INSC: variants seen among roughly 807,000 people sequenced by gnomAD.
INSC encodes the protein INSC spindle orientation adaptor protein, also known as protein inscuteable homolog.
In INSC, 67 loss-of-function variants were observed where a neutral mutation model predicts 58.6. That is an observed-to-expected ratio of 1.14 (90% CI 0.94 to 1.40). The LOEUF is 1.40. Among genes scored for constraint, INSC ranks in the 40% most tolerant of loss-of-function variants. INSC has a pLI of 0.00. For missense variants in INSC, 714 were observed against 692.0 expected (o/e 1.03, Z -0.36); for synonymous variants, 262 against 276.1 (o/e 0.95, Z 0.51).
intron 1 of INSC, among the ~76,000 whole-genome samples, chr11:15,117,931 C>T (rs1235952828): frequency 1.3e-5 from 2 of 152,144 alleles, no homozygotes; most frequent in Non-Finnish European, 2.9e-5. Flanking sequence ...CCCCCTGCTC[C>T]GAGTGTTTCA....
chr11:15,224,060 GTTAC>G (rs1446144697), intron 8 of INSC, among the ~76,000 whole-genome samples: 1 of 152,152 alleles, frequency 6.6e-6, no homozygotes, highest in African/African-American at 2.4e-5. Flanking sequence ...GCCTCAAACA[GTTAC>G]TTACTGGCCA....
At chr11:15,159,989 A>G (rs56391143) in intron 2 of INSC, among the ~76,000 whole-genome samples, 2,880 of 152,320 alleles carry the variant, frequency 0.019, 103 homozygotes, top group African/African-American at 0.066. Flanking sequence ...CCATACATAT[A>G]CACCAGCTGC....
chr11:15,140,221 C>T (rs1338662861), intron 1 of INSC, among the ~76,000 whole-genome samples: 2 of 152,206 alleles, frequency 1.3e-5, no homozygotes, highest in Non-Finnish European at 1.5e-5. Context: ...CCTCTGGGGA[C>T]TCATGGGCAC....
chr11:15,189,656 A>G (rs1359470015), intron 5 of INSC, among the ~76,000 whole-genome samples: 1 of 152,226 alleles, frequency 6.6e-6, no homozygotes, highest in East Asian at 1.9e-4. Context: ...TTTCACTTTA[A>G]TGTTTTAAAA....
At chr11:15,217,421 G>A (rs1194410622) in intron 7 of INSC, among the ~76,000 whole-genome samples, 2 of 152,180 alleles carry the variant, frequency 1.3e-5, no homozygotes, top group Admixed American at 6.5e-5. Flanking sequence ...TAAGAAAATT[G>A]TTCAGCTAGT....
intron 1 of INSC, among the ~76,000 whole-genome samples, chr11:15,147,304 G>A (rs1007269410): frequency 7.2e-5 from 11 of 151,972 alleles, no homozygotes; most frequent in African/African-American, 1.9e-4. Flanking sequence ...TGGAAATAAC[G>A]ATGGTGATAA....
chr11:15,163,828 A>C (rs1300503138), intron 2 of INSC, among the ~76,000 whole-genome samples: 1 of 152,168 alleles, frequency 6.6e-6, no homozygotes, highest in African/African-American at 2.4e-5. Flanking sequence ...TCCTGACCTC[A>C]TGATTCACCT....
chr11:15,265,327 G>A, the INSC span, among the ~76,000 whole-genome samples: 1 of 151,988 alleles, frequency 6.6e-6, no homozygotes, highest in Non-Finnish European at 1.5e-5. Context: ...TTGGAATAAA[G>A]TCATGCTATC....
upstream of INSC, among the ~76,000 whole-genome samples, chr11:15,112,167 GC>G (rs1847585483): frequency 6.6e-6 from 1 of 152,176 alleles, no homozygotes; most frequent in African/African-American, 2.4e-5. Flanking sequence ...TTTGCTGTTG[GC>G]CCAAGCCTGG....
intron 8 of INSC, 31 bp from the exon 9 acceptor site, chr11:15,225,619 G>C: frequency 6.2e-7 from 1 of 1,600,518 alleles, no homozygotes; most frequent in Non-Finnish European, 8.5e-7. Context: ...CACTTGGCAC[G>C]GAAGTTATTT....
chr11:15,168,184 C>T (rs1347917408), intron 2 of INSC, among the ~76,000 whole-genome samples: 1 of 152,200 alleles, frequency 6.6e-6, no homozygotes, highest in South Asian at 2.1e-4. Flanking sequence ...TAAACGTGTG[C>T]CATGGTGGTT....
At chr11:15,200,703 G>T in intron 6 of INSC, 121 bp from the exon 7 acceptor site, 1 of 1,282,614 alleles carries the variant, frequency 7.8e-7, no homozygotes, top group Non-Finnish European at 1.1e-6. Flanking sequence ...TGGGGCGGGG[G>T]TTGCTGGAGG....
At chr11:15,146,915 A>G (rs554281879) in intron 1 of INSC, among the ~76,000 whole-genome samples, 1 of 152,088 alleles carries the variant, frequency 6.6e-6, no homozygotes, top group African/African-American at 2.4e-5. Flanking sequence ...CTAATACTCT[A>G]TGGTATGCAT....
At chr11:15,168,156 G>A (rs899866131) in intron 2 of INSC, among the ~76,000 whole-genome samples, 1 of 152,156 alleles carries the variant, frequency 6.6e-6, no homozygotes, top group Admixed American at 6.5e-5. Context: ...TGCAGGATGT[G>A]CAGGTTTGTT....
downstream of INSC, among the ~76,000 whole-genome samples, chr11:15,251,732 A>ATGGTGGGATGGTAAAATAGTACAGC (rs148599405): frequency 6.6e-6 from 1 of 152,000 alleles, no homozygotes; most frequent in South Asian, 2.1e-4. Context: ...GTATGGTGGG[A>ATGGTGGGATGGTAAAATAGTACAGC]TGGTGGGATG....
chr11:15,145,667 C>G (rs1848474161), intron 1 of INSC, among the ~76,000 whole-genome samples: 1 of 152,148 alleles, frequency 6.6e-6, no homozygotes, highest in Admixed American at 6.6e-5. Context: ...ACAAAACTGC[C>G]AATAAATGAG....
At chr11:15,261,558 A>C in the INSC span, among the ~76,000 whole-genome samples, 1 of 152,194 alleles carries the variant, frequency 6.6e-6, no homozygotes, top group Non-Finnish European at 1.5e-5. Flanking sequence ...TTATATTTAC[A>C]AATGAGGAAA....
chr11:15,115,583 A>T (rs73412780), intron 1 of INSC, among the ~76,000 whole-genome samples: 1 of 152,154 alleles, frequency 6.6e-6, no homozygotes, highest in Middle Eastern at 3.2e-3. Context: ...GGCTCTGACT[A>T]ACCCCATCTG....
At chr11:15,152,767 G>A (rs1178093284) in intron 2 of INSC, among the ~76,000 whole-genome samples, 1 of 152,198 alleles carries the variant, frequency 6.6e-6, no homozygotes, top group Non-Finnish European at 1.5e-5. Context: ...AAAGCTGAAG[G>A]CTGTTGGCTA....
Sources: gnomAD v4.1 joint callset for allele counts (sites outside exome capture counted in the v4.1 genomes callset) on GRCh38, gnomAD v4.1.1 for gene constraint, MANE v1.5 for transcripts, NCBI Gene and HGNC (gene_info 2026-07-23, HGNC 2026-07-21) for gene names.